Variants in DMD observed in about 807,000 individuals in gnomAD.
DMD encodes dystrophin.
A neutral mutation model predicts 330.1 loss-of-function variants in DMD; 63 were observed. The ratio of observed to expected loss-of-function variants is 0.19; its 90% CI spans 0.16 to 0.24. DMD has a LOEUF of 0.24. Ranked by LOEUF, DMD falls within the 10% of genes least tolerant of loss-of-function variation. The pLI is 1.00. For synonymous variants in DMD, 1,223 were observed against 959.8 expected (o/e 1.27, Z -5.07); for missense variants, 3,344 against 2,684.1 (o/e 1.25, Z -5.43).
intron 4 of DMD, among the ~76,000 whole-genome samples, chrX:32,833,718 C>A (rs1334723149): frequency 9.9e-6 from 1 of 101,180 alleles, no homozygotes; most frequent in Non-Finnish European, 2.0e-5. Flanking sequence ...AAAGCAATAG[C>A]TACAATAAAA....
chrX:33,039,089 C>T (rs1007137813), intron 1 of DMD, among the ~76,000 whole-genome samples: 1 of 111,805 alleles, frequency 8.9e-6, no homozygotes, highest in Non-Finnish European at 1.9e-5. Flanking sequence ...GATTGACACC[C>T]GTAGCCTATG....
chrX:32,859,461 T>TCTCACACA, intron 2 of DMD, among the ~76,000 whole-genome samples: 1 of 86,051 alleles, frequency 1.2e-5, no homozygotes, highest in Middle Eastern at 6.4e-3. Context: ...AAGCAAGATC[T>TCTCACACA]CACACACACA....
chrX:32,338,902 A>G (rs1416002440), intron 41 of DMD, among the ~76,000 whole-genome samples: 1 of 112,012 alleles, frequency 8.9e-6, no homozygotes, highest in Non-Finnish European at 1.9e-5. Context: ...ATCTGCTTAT[A>G]TATTATAGAA....
intron 7 of DMD, among the ~76,000 whole-genome samples, chrX:32,790,863 C>T (rs981399504): frequency 1.8e-5 from 2 of 111,463 alleles, no homozygotes; most frequent in African/African-American, 6.5e-5. Flanking sequence ...GCCAACACTG[C>T]CTTCCACCTG....
At chrX:31,897,183 T>C (rs1004865088) in intron 47 of DMD, among the ~76,000 whole-genome samples, 49 of 111,287 alleles carry the variant, frequency 4.4e-4, no homozygotes, top group African/African-American at 1.6e-3. Context: ...TTTGGTTTTT[T>C]GTTCTTGCGA....
At chrX:33,060,546 G>A (rs1303691733) in intron 1 of DMD, among the ~76,000 whole-genome samples, 1 of 111,510 alleles carries the variant, frequency 9.0e-6, no homozygotes, top group Non-Finnish European at 1.9e-5. Flanking sequence ...AAAAATTCCA[G>A]TCTCGACCAG....
intron 44 of DMD, chrX:32,155,460 T>C (rs1300708566): frequency 1.3e-6 from 1 of 751,508 alleles, no homozygotes; most frequent in Non-Finnish European, 1.6e-6. Flanking sequence ...AGCTTTGCCA[T>C]TGCTAGTGTG....
chrX:32,082,512 C>T (rs2096401925), intron 44 of DMD, among the ~76,000 whole-genome samples: 1 of 111,360 alleles, frequency 9.0e-6, no homozygotes, highest in South Asian at 3.8e-4. Context: ...TACACCACAG[C>T]CCCCCAGTGT....
At chrX:32,508,821 T>C (rs1490490789) in intron 18 of DMD, among the ~76,000 whole-genome samples, 1 of 111,528 alleles carries the variant, frequency 9.0e-6, no homozygotes, top group Non-Finnish European at 1.9e-5. Flanking sequence ...TTTTTTTTTT[T>C]TCTTTTTGAG....
At chrX:32,819,737 G>C (rs182974577) in intron 5 of DMD, among the ~76,000 whole-genome samples, 95 of 108,238 alleles carry the variant, frequency 8.8e-4, no homozygotes, top group Non-Finnish European at 2.9e-4. Context: ...AATGCCGCTC[G>C]TTATCTGATA....
At chrX:33,050,401 G>T (rs1464859719) in intron 1 of DMD, among the ~76,000 whole-genome samples, 2 of 111,600 alleles carry the variant, frequency 1.8e-5, no homozygotes, top group South Asian at 3.7e-4. Flanking sequence ...GGCTAGAAAT[G>T]ATTAAACTAG....
At chrX:33,038,357 G>C (rs1362046419) in intron 1 of DMD, among the ~76,000 whole-genome samples, 1 of 112,187 alleles carries the variant, frequency 8.9e-6, no homozygotes, top group African/African-American at 3.2e-5. Context: ...AATATTAAAA[G>C]TTCCTTTGCA....
At chrX:32,099,490 C>T (rs1282459097) in intron 44 of DMD, among the ~76,000 whole-genome samples, 1 of 109,752 alleles carries the variant, frequency 9.1e-6, no homozygotes, top group Non-Finnish European at 1.9e-5. Context: ...TTGGAACCAA[C>T]CCAAATGTCC....
chrX:33,214,726 T>A (rs769025442), upstream of DMD, among the ~76,000 whole-genome samples: 14 of 112,083 alleles, frequency 1.2e-4, no homozygotes, highest in African/African-American at 4.5e-4. Context: ...CAATCATACC[T>A]CGTTATAGTC....
At chrX:32,518,245 A>G (rs1677820071) in intron 17 of DMD, 114 bp from the exon 18 acceptor site, 8 of 751,639 alleles carry the variant, frequency 1.1e-5, no homozygotes, top group Non-Finnish European at 1.6e-5. Flanking sequence ...CTCCTGCCTG[A>G]CACCTCTATT....
chrX:32,582,315 T>C (rs927787182), intron 13 of DMD, among the ~76,000 whole-genome samples: 3 of 111,268 alleles, frequency 2.7e-5, no homozygotes, highest in Non-Finnish European at 5.7e-5. Context: ...GGTACCTGGA[T>C]ACAAGACCAA....
chrX:31,132,502 G>A (rs1406938423), intron 77 of DMD, among the ~76,000 whole-genome samples: 1 of 111,530 alleles, frequency 9.0e-6, no homozygotes, highest in East Asian at 2.8e-4. Flanking sequence ...AGATGTGGAA[G>A]AAATGCCCAG....
chrX:32,405,668 T>C (rs1164014639), intron 30 of DMD, among the ~76,000 whole-genome samples: 3 of 111,823 alleles, frequency 2.7e-5, no homozygotes, highest in African/African-American at 9.7e-5. Flanking sequence ...TGTAGTATAC[T>C]TTGAAGTCAG....
chrX:31,810,784 G>C, intron 50 of DMD, among the ~76,000 whole-genome samples: 1 of 111,808 alleles, frequency 8.9e-6, no homozygotes, highest in Non-Finnish European at 1.9e-5. Flanking sequence ...ACATGTTGAA[G>C]CCTTCCATTT....
Sources: gnomAD v4.1 joint callset for allele counts (sites outside exome capture counted in the v4.1 genomes callset) on GRCh38, gnomAD v4.1.1 for gene constraint, MANE v1.5 for transcripts, NCBI Gene and HGNC (gene_info 2026-07-23, HGNC 2026-07-21) for gene names.